Variants in TMEM117 observed in about 807,000 individuals in gnomAD.
TMEM117 encodes transmembrane protein 117.
Under a neutral mutation model 52.4 loss-of-function variants are expected in TMEM117, and 27 were observed. The ratio of observed to expected loss-of-function variants is 0.51; its 90% CI spans 0.38 to 0.71. TMEM117 has a LOEUF of 0.71. TMEM117 is among the 30% of genes least tolerant of loss of function. The pLI is 0.00. For missense variants in TMEM117, 556 were observed against 630.5 expected (o/e 0.88, Z 1.26); for synonymous variants, 215 against 206.3 (o/e 1.04, Z -0.36).
At chr12:43,986,619 AAT>A (rs1226775909) in intron 3 of TMEM117, among the ~76,000 whole-genome samples, 1 of 152,150 alleles carries the variant, frequency 6.6e-6, no homozygotes, top group Non-Finnish European at 1.5e-5. Flanking sequence ...TTTTAGAATC[AAT>A]ATCTTTCAGA....
chr12:44,277,834 G>A (rs1453291859), intron 5 of TMEM117, among the ~76,000 whole-genome samples: 1 of 146,736 alleles, frequency 6.8e-6, no homozygotes, highest in Non-Finnish European at 1.5e-5. Flanking sequence ...TGTGATCTCG[G>A]CTCACTGCAA....
intron 6 of TMEM117, among the ~76,000 whole-genome samples, chr12:44,325,318 C>A (rs1243064827): frequency 6.6e-6 from 1 of 152,104 alleles, no homozygotes; most frequent in Non-Finnish European, 1.5e-5. Context: ...TAAGTGGGGG[C>A]AGACATTGGC....
chr12:44,115,333 A>G (rs1267584735), intron 3 of TMEM117, among the ~76,000 whole-genome samples: 4 of 152,172 alleles, frequency 2.6e-5, no homozygotes, highest in Non-Finnish European at 5.9e-5. Context: ...GGGGAGGGAT[A>G]GCATTAGGAG....
intron 6 of TMEM117, among the ~76,000 whole-genome samples, chr12:44,301,132 C>T (rs1490964093): frequency 2.0e-5 from 3 of 152,156 alleles, no homozygotes; most frequent in African/African-American, 7.2e-5. Flanking sequence ...AATTTGCTTA[C>T]ATTCATATAT....
At chr12:44,305,681 G>A (rs1010765666) in intron 6 of TMEM117, among the ~76,000 whole-genome samples, 2 of 152,186 alleles carry the variant, frequency 1.3e-5, no homozygotes, top group African/African-American at 4.8e-5. Flanking sequence ...AGGCTGCAGA[G>A]AAAAGGGAAT....
intron 2 of TMEM117, among the ~76,000 whole-genome samples, chr12:43,888,021 A>C (rs1427785112): frequency 6.6e-6 from 1 of 152,224 alleles, no homozygotes; most frequent in Non-Finnish European, 1.5e-5. Flanking sequence ...TATTTGGGGC[A>C]AATCTGTAGA....
intron 3 of TMEM117, among the ~76,000 whole-genome samples, chr12:43,984,609 A>C (rs954659621): frequency 6.6e-6 from 1 of 152,186 alleles, no homozygotes; most frequent in Non-Finnish European, 1.5e-5. Context: ...GGGTGGAATA[A>C]ATTAGAACAT....
At chr12:44,275,852 A>G (rs1168864643) in intron 5 of TMEM117, among the ~76,000 whole-genome samples, 5 of 152,086 alleles carry the variant, frequency 3.3e-5, no homozygotes, top group African/African-American at 1.2e-4. Context: ...CAATAGAGAT[A>G]GTGAGGAAGA....
chr12:43,867,814 C>T (rs1022734575), intron 2 of TMEM117, among the ~76,000 whole-genome samples: 9 of 152,162 alleles, frequency 5.9e-5, no homozygotes, highest in African/African-American at 1.4e-4. Context: ...GAGCAAAAGG[C>T]ATAATCGTAG....
intron 3 of TMEM117, among the ~76,000 whole-genome samples, chr12:44,097,864 A>ATAC (rs2138065517): frequency 6.6e-6 from 1 of 151,824 alleles, no homozygotes; most frequent in African/African-American, 2.4e-5. Flanking sequence ...TATAATAATA[A>ATAC]TAAAATAAAA....
At chr12:44,088,849 C>G (rs1031204815) in intron 3 of TMEM117, among the ~76,000 whole-genome samples, 2 of 152,158 alleles carry the variant, frequency 1.3e-5, no homozygotes, top group African/African-American at 4.8e-5. Context: ...TGAACTGTTG[C>G]CTCCAGCACT....
intron 5 of TMEM117, chr12:44,263,364 G>T (rs1470821069): frequency 2.0e-5 from 3 of 152,214 alleles, no homozygotes; most frequent in African/African-American, 7.2e-5. Flanking sequence ...AGATTCTGGG[G>T]AGAGGATGTG....
the TMEM117 span, among the ~76,000 whole-genome samples, chr12:43,808,207 CTT>C: frequency 1.3e-5 from 2 of 152,220 alleles, no homozygotes; most frequent in African/African-American, 4.8e-5. Flanking sequence ...CTGCTTTTCT[CTT>C]CTTTTTCTCC....
intron 6 of TMEM117, among the ~76,000 whole-genome samples, chr12:44,374,642 GTGTGTGTGTGTGTA>G (rs1565771524): frequency 6.6e-6 from 1 of 151,688 alleles, no homozygotes; most frequent in African/African-American, 2.4e-5. Flanking sequence ...GTGTGTGTGT[GTGTGTGTGTGTGTA>G]TGTGTGTGTA....
At chr12:43,893,879 A>G (rs893067479) in intron 2 of TMEM117, among the ~76,000 whole-genome samples, 12 of 152,194 alleles carry the variant, frequency 7.9e-5, no homozygotes, top group African/African-American at 2.9e-4. Flanking sequence ...CTAGAGGATC[A>G]ATTTTCAAGA....
chr12:44,294,561 T>G (rs4544066), intron 5 of TMEM117, among the ~76,000 whole-genome samples: 4,305 of 152,290 alleles, frequency 0.028, 97 homozygotes, highest in African/African-American at 0.055. Context: ...GCATACCATT[T>G]TTTTTCTTTC....
intron 5 of TMEM117, among the ~76,000 whole-genome samples, chr12:44,259,739 C>T (rs1950299891): frequency 6.6e-6 from 1 of 151,876 alleles, no homozygotes; most frequent in Non-Finnish European, 1.5e-5. Context: ...ATAGAATTAC[C>T]CTTTTTGAAT....
At chr12:44,067,329 G>C (rs193163785) in intron 3 of TMEM117, among the ~76,000 whole-genome samples, 1 of 152,248 alleles carries the variant, frequency 6.6e-6, no homozygotes, top group East Asian at 1.9e-4. Context: ...ATCTAGAATG[G>C]TGAATCCTTT....
chr12:44,055,407 C>G (rs1257017706), intron 3 of TMEM117, among the ~76,000 whole-genome samples: 2 of 152,082 alleles, frequency 1.3e-5, no homozygotes, highest in Admixed American at 1.3e-4. Context: ...ATATCTCTTA[C>G]AATACACTTA....
Sources: gnomAD v4.1 joint callset for allele counts (sites outside exome capture counted in the v4.1 genomes callset) on GRCh38, gnomAD v4.1.1 for gene constraint, MANE v1.5 for transcripts, NCBI Gene and HGNC (gene_info 2026-07-23, HGNC 2026-07-21) for gene names.